ACSL4: variants seen among roughly 807,000 people sequenced by gnomAD.
The protein encoded by ACSL4 is acyl-CoA synthetase long chain family member 4.
In ACSL4, 9 loss-of-function variants were observed where a neutral mutation model predicts 49.1. The ratio of observed to expected loss-of-function variants is 0.18; its 90% CI spans 0.11 to 0.32. The LOEUF (loss-of-function observed/expected upper bound fraction) is 0.32, where lower values mean the gene tolerates loss of function less well. Ranked by LOEUF, ACSL4 falls within the 10% of genes least tolerant of loss-of-function variation. ACSL4 has a pLI of 1.00. For missense variants in ACSL4, 333 were observed against 493.7 expected, an observed-to-expected ratio of 0.67 and a Z score of 3.08; for synonymous variants, 191 against 170.3, an observed-to-expected ratio of 1.12 and a Z score of -0.95.
chrX:109,680,959 G>A, intron 6 of ACSL4, 39 bp downstream of exon 6: 1 of 1,190,060 alleles, frequency 8.4e-7, no homozygotes, highest in Non-Finnish European at 1.1e-6. Flanking sequence ...TAACAAACTT[G>A]GAATAGGTAA....
At chrX:109,705,253 T>C (rs1226358727) in intron 1 of ACSL4, among the ~76,000 whole-genome samples, 2 of 112,142 alleles carry the variant, frequency 1.8e-5, no homozygotes, top group Non-Finnish European at 3.8e-5. Flanking sequence ...CACACAGATG[T>C]TTCCAAATGA....
chrX:109,695,429 C>A (rs1925367249), intron 2 of ACSL4, among the ~76,000 whole-genome samples: 1 of 108,749 alleles, frequency 9.2e-6, no homozygotes, highest in Non-Finnish European at 1.9e-5. Context: ...TAATAATGAA[C>A]CACTGAGGAC....
chrX:109,707,465 T>C (rs1360834763), intron 1 of ACSL4, among the ~76,000 whole-genome samples: 4 of 112,235 alleles, frequency 3.6e-5, no homozygotes, highest in Non-Finnish European at 7.5e-5. Context: ...TCACTTTCTA[T>C]TTCTGGGAAT....
intron 4 of ACSL4, among the ~76,000 whole-genome samples, chrX:109,681,694 G>A (rs1924176248): frequency 8.9e-6 from 1 of 112,099 alleles, no homozygotes; most frequent in African/African-American, 3.2e-5. Context: ...TCTTAATTCA[G>A]GTCAGACTGG....
chrX:109,674,116 C>T lies in ACSL4; in HGVS notation c.1002+286G>A, dbSNP rs1923486630. On this transcript the variant is annotated intron_variant, in intron 9 of 15. Coordinates refer to ENST00000672401, the MANE Select transcript of ACSL4 (RefSeq NM_001318510.2). Reference sequence around the variant, plus strand: ...CTTTAGAATATATTCTACCTTAAAACGGTCTGACCAATTCTCACAGTAGGT... The same window carrying T: ...CTTTAGAATATATTCTACCTTAAAATGGTCTGACCAATTCTCACAGTAGGT... 2.7e-5 allele frequency among the ~76,000 whole-genome samples: 3 copies of T among 111,044 alleles called. No individual in the cohort carries two copies. The Admixed American group carries it at 2.9e-4, about 11-fold the overall frequency.
intron 6 of ACSL4, 24 bp from the exon 7 acceptor site, chrX:109,678,439 CACATTT>C: frequency 1.7e-6 from 2 of 1,205,902 alleles, no homozygotes; most frequent in Non-Finnish European, 2.2e-6. Flanking sequence ...TGAAAAATAT[CACATTT>C]ACTTCAGTTC....
At chrX:109,664,674 G>A (rs1215891012) in intron 12 of ACSL4, among the ~76,000 whole-genome samples, 3 of 111,876 alleles carry the variant, frequency 2.7e-5, no homozygotes. Flanking sequence ...ACAACCTAAG[G>A]GTTGCATCCT....
At chrX:109,732,826 C>T (rs1345579935) in intron 1 of ACSL4, among the ~76,000 whole-genome samples, 3 of 111,971 alleles carry the variant, frequency 2.7e-5, no homozygotes, top group Non-Finnish European at 5.6e-5. Flanking sequence ...CCTAGTACCC[C>T]GATCAGGAAG....
rs752641368 is a variant in ACSL4, at chrX:109,698,957, T to C, written c.-65-2761A>G. Among the ~76,000 whole-genome samples, 3 of 112,751 alleles carry C rather than the reference T, an allele frequency of 2.7e-5. No individual in the cohort carries two copies. The South Asian group carries it at 1.1e-3, about 40-fold the overall frequency. Reference sequence around the variant, plus strand: ...AGTAAAGTCCATACTAAACTTGTGATAGCATCTGTTGGAAATGTTTCAAGC... The same window carrying C: ...AGTAAAGTCCATACTAAACTTGTGACAGCATCTGTTGGAAATGTTTCAAGC... On this transcript the variant is annotated intron_variant, in intron 1 of 15. Transcript: ENST00000672401.
intron 9 of ACSL4, among the ~76,000 whole-genome samples, chrX:109,671,501 C>T (rs779932654): frequency 9.0e-5 from 9 of 99,853 alleles, no homozygotes; most frequent in East Asian, 3.4e-4. Flanking sequence ...AGGTGGCAGG[C>T]GGGCGCCTCT....
At chrX:109,677,653 C>A (rs1231010911) in intron 8 of ACSL4, among the ~76,000 whole-genome samples, 1 of 109,407 alleles carries the variant, frequency 9.1e-6, no homozygotes, top group Non-Finnish European at 1.9e-5. Context: ...TGGTGGCGGG[C>A]GCCTGCAATC....
Position 109,718,785 on chromosome X carries a change from C to T in ACSL4, c.-66+14354G>A, listed in dbSNP as rs1210553490. On this transcript the variant is annotated intron_variant, in intron 1 of 15. Transcript: ENST00000672401. ...AAAAAAAAAAAGAAAGAAAAGAAAT[C>T]CCATAGTCTACAATTTGTTGTTTAA... 2.7e-5 allele frequency among the ~76,000 whole-genome samples: 3 copies of T among 109,930 alleles called. No individual in the cohort carries two copies. The East Asian group carries it at 8.5e-4, about 31-fold the overall frequency.
chrX:109,646,842 G>T (rs1378144822), intron 15 of ACSL4, among the ~76,000 whole-genome samples: 1 of 109,925 alleles, frequency 9.1e-6, no homozygotes, highest in African/African-American at 3.3e-5. Flanking sequence ...CCAAGCAAAT[G>T]GAAAACAAAA....
chrX:109,649,968 C>T lies in ACSL4; in HGVS notation c.1856-5782G>A, dbSNP rs1251541772. 1.1e-4 allele frequency among the ~76,000 whole-genome samples: 12 copies of T among 108,882 alleles called. No homozygotes were observed. The East Asian group carries it at 3.2e-3, about 29-fold the overall frequency. 94.6% of individuals were successfully genotyped at this position (108,882 alleles called of 115,157 possible). A position where few individuals can be genotyped will look rare whatever the true frequency, so the allele number is the denominator to read the frequency against. On this transcript the variant is annotated intron_variant, in intron 15 of 15. Transcript: ENST00000672401. ...CCATCAGAGAAATGCAAATCAAAAC[C>T]ACAATGAGATACCATCTCACACCAG...
chrX:109,725,705 AC>A (rs1183939623), intron 1 of ACSL4, among the ~76,000 whole-genome samples: 1 of 111,043 alleles, frequency 9.0e-6, no homozygotes, highest in East Asian at 2.8e-4. Context: ...ACGCCACTGC[AC>A]TCCAGCCTGG....
At chrX:109,715,486 AAAAATTAG>A (rs1434597677) in intron 1 of ACSL4, among the ~76,000 whole-genome samples, 1 of 110,476 alleles carries the variant, frequency 9.1e-6, no homozygotes, top group Non-Finnish European at 1.9e-5. Flanking sequence ...AAAAAAATAC[AAAAATTAG>A]CCAGGCATGG....
chrX:109,670,295 G>A (rs963976216), intron 9 of ACSL4, among the ~76,000 whole-genome samples: 1 of 110,889 alleles, frequency 9.0e-6, no homozygotes, highest in Admixed American at 9.6e-5. Context: ...CCCTTAAAAA[G>A]GTTACCACAG....
At chrX:109,646,034 T>C (rs1373952107) in intron 15 of ACSL4, among the ~76,000 whole-genome samples, 4 of 111,845 alleles carry the variant, frequency 3.6e-5, no homozygotes, top group Non-Finnish European at 7.5e-5. Flanking sequence ...AAAGACCAAA[T>C]CTACATCTGA....
At chrX:109,663,576 A>AGAACACCAAGAAAGGCTCAATGATAAT (rs1474386335) in intron 12 of ACSL4, among the ~76,000 whole-genome samples, 174 bp from the exon 13 acceptor site, 1 of 111,564 alleles carries the variant, frequency 9.0e-6, no homozygotes, top group Non-Finnish European at 1.9e-5. Context: ...TGTGATTTTA[A>AGAACACCAAGAAAGGCTCAATGATAAT]GAACACCAAG....
Sources: gnomAD v4.1 joint callset for allele counts (sites outside exome capture counted in the v4.1 genomes callset) on GRCh38, gnomAD v4.1.1 for gene constraint, MANE v1.5 for transcripts, NCBI Gene and HGNC (gene_info 2026-07-23, HGNC 2026-07-21) for gene names.